The following MSH3 variants were observed in gnomAD, a reference collection of about 807,000 sequenced individuals.
MSH3 encodes the protein DNA mismatch repair protein Msh3.
In MSH3, 106 loss-of-function variants were observed where a neutral mutation model predicts 123.3. The ratio of observed to expected loss-of-function variants is 0.86; its 90% CI spans 0.73 to 1.01. The LOEUF is 1.01. Among genes scored for constraint, MSH3 ranks in the 50% least tolerant of loss-of-function variants. MSH3 has a pLI of 0.00. For missense variants in MSH3, 1,459 were observed against 1,347.6 expected (o/e 1.08, Z -1.29); for synonymous variants, 515 against 481.4 (o/e 1.07, Z -0.91).
At chr5:80,742,848 C>G (rs1476915306) in intron 11 of MSH3, among the ~76,000 whole-genome samples, 1 of 152,176 alleles carries the variant, frequency 6.6e-6, no homozygotes, top group Non-Finnish European at 1.5e-5. Flanking sequence ...CCAGCCCTGG[C>G]ATTGTAAGCG....
intron 8 of MSH3, among the ~76,000 whole-genome samples, chr5:80,702,903 T>C (rs991015755): frequency 2.0e-5 from 3 of 152,084 alleles, no homozygotes; most frequent in Admixed American, 6.5e-5. Flanking sequence ...TCCCAGCTAA[T>C]TGGGAGGCTG....
chr5:80,776,190 CTT>C (rs1744295989), intron 16 of MSH3, among the ~76,000 whole-genome samples: 2 of 152,108 alleles, frequency 1.3e-5, no homozygotes, highest in Non-Finnish European at 2.9e-5. Flanking sequence ...GTGCCCTGCC[CTT>C]TCTTATGGAA....
chr5:80,693,518 C>T (rs1750386501), intron 8 of MSH3, among the ~76,000 whole-genome samples: 1 of 149,430 alleles, frequency 6.7e-6, no homozygotes, highest in East Asian at 2.0e-4. Flanking sequence ...TAAATATGCA[C>T]ATGTATATGT....
intron 8 of MSH3, among the ~76,000 whole-genome samples, chr5:80,695,884 G>T (rs2112834300): frequency 6.6e-6 from 1 of 152,236 alleles, no homozygotes; most frequent in Admixed American, 6.5e-5. Flanking sequence ...TTTTTGGTTG[G>T]AACCAGTGCT....
At chr5:80,805,180 G>C (rs1580060152) in intron 19 of MSH3, among the ~76,000 whole-genome samples, 1 of 152,306 alleles carries the variant, frequency 6.6e-6, no homozygotes, top group East Asian at 1.9e-4. Flanking sequence ...GAGTGTGTTG[G>C]TATTTCTGTT....
chr5:80,808,489 G>A (rs1459214019), intron 19 of MSH3, among the ~76,000 whole-genome samples: 1 of 152,116 alleles, frequency 6.6e-6, no homozygotes, highest in Non-Finnish European at 1.5e-5. Flanking sequence ...GGGTCATTTT[G>A]TTCTCTCACT....
chr5:80,806,649 G>A (rs1452611908), intron 19 of MSH3, among the ~76,000 whole-genome samples: 1 of 152,124 alleles, frequency 6.6e-6, no homozygotes, highest in Non-Finnish European at 1.5e-5. Flanking sequence ...TTTTACATCT[G>A]TAGGGAAAGT....
chr5:80,818,175 C>T (rs1055159336), intron 20 of MSH3, among the ~76,000 whole-genome samples: 9 of 151,890 alleles, frequency 5.9e-5, no homozygotes, highest in South Asian at 2.1e-4. Context: ...GACAAGATCA[C>T]GCCACTGCAC....
intron 21 of MSH3, among the ~76,000 whole-genome samples, chr5:80,857,602 G>C (rs926852470): frequency 5.9e-5 from 9 of 152,076 alleles, no homozygotes; most frequent in Non-Finnish European, 1.0e-4. Context: ...TTTCTTGTGT[G>C]AGTTTTGGCT....
At chr5:80,697,600 A>G (rs1464212091) in intron 8 of MSH3, among the ~76,000 whole-genome samples, 1 of 152,214 alleles carries the variant, frequency 6.6e-6, no homozygotes, top group Non-Finnish European at 1.5e-5. Context: ...ACTGAAGTTA[A>G]GGAAACATGT....
intron 8 of MSH3, among the ~76,000 whole-genome samples, chr5:80,686,344 C>T (rs986142473): frequency 6.6e-6 from 1 of 150,788 alleles, no homozygotes; most frequent in Non-Finnish European, 1.5e-5. Context: ...GCTCTGTCAC[C>T]CAGGGGGCAG....
At chr5:80,715,662 G>A (rs1750944601) in intron 8 of MSH3, among the ~76,000 whole-genome samples, 1 of 152,074 alleles carries the variant, frequency 6.6e-6, no homozygotes, top group African/African-American at 2.4e-5. Flanking sequence ...AGCATGGCTG[G>A]GGAGGCCTCA....
At chr5:80,873,703 C>G (rs1326981216) in intron 23 of MSH3, among the ~76,000 whole-genome samples, 1 of 152,146 alleles carries the variant, frequency 6.6e-6, no homozygotes, top group East Asian at 1.9e-4. Flanking sequence ...AATAGTATTA[C>G]ATAACAGGCA....
At chr5:80,848,928 A>G (rs1414769886) in intron 20 of MSH3, among the ~76,000 whole-genome samples, 1 of 152,116 alleles carries the variant, frequency 6.6e-6, no homozygotes, top group Non-Finnish European at 1.5e-5. Flanking sequence ...CCACAGTCCA[A>G]AGTCTCATCC....
chr5:80,834,623 T>G (rs1250819055), intron 20 of MSH3, among the ~76,000 whole-genome samples: 1 of 110,178 alleles, frequency 9.1e-6, no homozygotes, highest in Non-Finnish European at 1.9e-5. Flanking sequence ...ATATTTTTAG[T>G]TTAAATACTT....
At chr5:80,867,303 ACTGCAGCTCT>A (rs1336650444) in intron 22 of MSH3, among the ~76,000 whole-genome samples, 1 of 152,210 alleles carries the variant, frequency 6.6e-6, no homozygotes, top group Admixed American at 6.5e-5. Context: ...AGTGACAATG[ACTGCAGCTCT>A]TCCTGGCATC....
intron 22 of MSH3, among the ~76,000 whole-genome samples, chr5:80,868,587 C>G (rs1009586145): frequency 7.3e-6 from 1 of 137,734 alleles, no homozygotes; most frequent in East Asian, 2.2e-4. Context: ...GGAGACATAG[C>G]GGGGAACAAC....
intron 17 of MSH3, among the ~76,000 whole-genome samples, chr5:80,784,240 G>GAAAAAAAAAAAAAAAAAAAAAAAAAA (rs1561477481): frequency 1.4e-5 from 1 of 70,642 alleles, no homozygotes; most frequent in African/African-American, 6.0e-5. Flanking sequence ...AAAAAAAAAA[G>GAAAAAAAAAAAAAAAAAAAAAAAAAA]GGAAATAAAT....
At chr5:80,704,843 T>C (rs559052303) in intron 8 of MSH3, among the ~76,000 whole-genome samples, 10 of 152,306 alleles carry the variant, frequency 6.6e-5, no homozygotes, top group African/African-American at 2.2e-4. Flanking sequence ...CCTCTAGTCT[T>C]GCCCTTGTCC....
Sources: gnomAD v4.1 joint callset for allele counts (sites outside exome capture counted in the v4.1 genomes callset) on GRCh38, gnomAD v4.1.1 for gene constraint, MANE v1.5 for transcripts, NCBI Gene and HGNC (gene_info 2026-07-23, HGNC 2026-07-21) for gene names.